Variants in TARBP1 observed in about 807,000 individuals in gnomAD.
The protein encoded by TARBP1 is tRNA (guanosine(18)-2'-O)-methyltransferase TARBP1.
Under a neutral mutation model 178.6 loss-of-function variants are expected in TARBP1, and 144 were observed. The ratio of observed to expected loss-of-function variants is 0.81; its 90% confidence interval spans 0.70 to 0.93. The LOEUF (loss-of-function observed/expected upper bound fraction) is 0.93, where lower values mean the gene tolerates loss of function less well. TARBP1 is among the 40% of genes least tolerant of loss of function. TARBP1 has a pLI of 0.00. For synonymous variants in TARBP1, 787 were observed against 781.0 expected (o/e 1.01, Z -0.13); for missense variants, 2,067 against 2,011.7 (o/e 1.03, Z -0.53).
chr1:234,432,005 C>T (rs1023875226), intron 14 of TARBP1, among the ~76,000 whole-genome samples: 4 of 152,130 alleles, frequency 2.6e-5, no homozygotes, highest in African/African-American at 7.2e-5. Context: ...GGCATGGTGG[C>T]GGGCACCTAC....
chr1:234,415,428 T>C (rs1177167268), intron 22 of TARBP1, among the ~76,000 whole-genome samples: 1 of 152,180 alleles, frequency 6.6e-6, no homozygotes, highest in African/African-American at 2.4e-5. Flanking sequence ...GTTAAGGTAA[T>C]TTGCTTTGAA....
intron 11 of TARBP1, 50 bp downstream of exon 11, chr1:234,448,430 T>G (rs115691704): frequency 0.027 from 39,942 of 1,500,160 alleles, 751 homozygotes; most frequent in South Asian, 0.064. Context: ...ATCATAATTC[T>G]CATCAGGATT....
At position 234,472,698 on chromosome 1, in the gene TARBP1, A is replaced by G. The variant is rs1034982382; in HGVS notation, c.1029+16T>C. On this transcript the variant is annotated intron_variant, in intron 2 of 29. Coordinates refer to ENST00000040877, the MANE Select transcript of TARBP1 (RefSeq NM_005646.4). ...GTTATCTACTGTAGGATTTGCTAAA[A>G]TAGAAAAACACTTACCTGATTTCCT... is the stretch of plus-strand genomic sequence containing the variant. 1.1e-5 allele frequency: 17 copies of G among 1,540,958 alleles called. No individual in the cohort carries two copies. The East Asian group carries it at 3.9e-4, about 35-fold the overall frequency.
rs761068969 is a variant in TARBP1, at chr1:234,478,466, C to G, written c.638G>C (p.Gly213Ala). 1.4e-6 allele frequency: 2 copies of G among 1,382,504 alleles called. No homozygotes were observed. Among genetic ancestry groups the G allele is most frequent in the South Asian group, 2.9e-5 (2 of 68,416 alleles). 85.6% of individuals were successfully genotyped at this position (1,382,504 alleles called of 1,614,324 possible). ...CAGGGACGCCCCAGGCGCGGCCAGC[C>G]CGCCCCACACGGCCCGCAGCGCCGC... is the stretch of plus-strand genomic sequence containing the variant. ...GGAALRAVWG[G>A]LAAPGASLGS... The change falls in exon 1 of 30, where the codon GGG (glycine) becomes GCG (alanine). Residue 213 changes from glycine (G) to alanine (A), a missense_variant. Physicochemically the swap from Gly to Ala is moderately conservative, Grantham distance 60. Transcript: ENST00000040877.
chr1:234,472,094 T>G (rs1659040032), intron 2 of TARBP1, among the ~76,000 whole-genome samples: 1 of 152,116 alleles, frequency 6.6e-6, no homozygotes, highest in African/African-American at 2.4e-5. Context: ...CCCAGCACTT[T>G]GGGAGGCCAA....
intron 12 of TARBP1, among the ~76,000 whole-genome samples, chr1:234,441,335 T>C (rs1431294630): frequency 6.6e-6 from 1 of 152,174 alleles, no homozygotes; most frequent in East Asian, 1.9e-4. Context: ...AAGTTGATGA[T>C]ATAATTTATA....
At position 234,432,759 on chromosome 1, in the gene TARBP1, G is replaced by A. The variant is rs114735716; in HGVS notation, c.2394+651C>T. Among the ~76,000 whole-genome samples the A allele has an allele frequency of 5.5e-3, 837 of 152,154 alleles. 6 individuals are homozygous for A. Among genetic ancestry groups the A allele is most frequent in the African/African-American group, 0.019 (787 of 41,496 alleles). Reference sequence around the variant, plus strand: ...CTAAGTAGCCTAGAGTGGCTGCAACGTCACGGCACTGTGGGAAGGAGGGGG... The same window carrying A: ...CTAAGTAGCCTAGAGTGGCTGCAACATCACGGCACTGTGGGAAGGAGGGGG... On this transcript the variant is annotated intron_variant, in intron 14 of 29. Coordinates refer to ENST00000040877, the MANE Select transcript of TARBP1 (RefSeq NM_005646.4).
chr1:234,472,120 T>C (rs144945016), intron 2 of TARBP1, among the ~76,000 whole-genome samples: 140 of 152,216 alleles, frequency 9.2e-4, no homozygotes, highest in Middle Eastern at 3.4e-3. Flanking sequence ...GTGGATTACT[T>C]GAGGTCAGGA....
chr1:234,454,715 A>T (rs1290600270), intron 9 of TARBP1, among the ~76,000 whole-genome samples: 1 of 152,250 alleles, frequency 6.6e-6, no homozygotes, highest in East Asian at 1.9e-4. Flanking sequence ...CATCCTTCAG[A>T]CTGGTAAAAA....
At chr1:234,397,216 A>G (rs925220206) in intron 26 of TARBP1, among the ~76,000 whole-genome samples, 1 of 376 alleles carries the variant, frequency 2.7e-3, no homozygotes, top group Non-Finnish European at 5.4e-3. Context: ...GAAGAGGAGG[A>G]GGAGGGGGAG....
chr1:234,426,219 C>T (rs1175269427), intron 19 of TARBP1, among the ~76,000 whole-genome samples: 1 of 152,222 alleles, frequency 6.6e-6, no homozygotes, highest in Non-Finnish European at 1.5e-5. Flanking sequence ...GCACATTCTC[C>T]AACTGAGGGG....
At position 234,427,535 on chromosome 1, in the gene TARBP1, TA is replaced by T. The variant is rs752613102; in HGVS notation, c.3251+40del. ...ATAATTCTATACCCAAGTAGGCACT[TA>T]ATACAAGTTATGACCAGTTGAAATA... On this transcript the variant is annotated intron_variant, in intron 18 of 29. Coordinates refer to ENST00000040877, the MANE Select transcript of TARBP1 (RefSeq NM_005646.4). The T allele has an allele frequency of 6.4e-6, 10 of 1,551,482 alleles. No homozygotes were observed. The Admixed American group carries it at 1.6e-4, about 26-fold the overall frequency.
chr1:234,435,377 C>G (rs897580517), intron 13 of TARBP1, among the ~76,000 whole-genome samples: 1 of 152,024 alleles, frequency 6.6e-6, no homozygotes, highest in East Asian at 1.9e-4. Flanking sequence ...ACCAGCTACT[C>G]GAGGCTGAGG....
chr1:234,423,543 T>C (rs931711549), intron 20 of TARBP1, among the ~76,000 whole-genome samples: 4 of 152,236 alleles, frequency 2.6e-5, no homozygotes, highest in Admixed American at 6.5e-5. Context: ...TAGATTCTCA[T>C]CCCACCATGA....
intron 4 of TARBP1, among the ~76,000 whole-genome samples, chr1:234,466,196 A>G (rs1228388762): frequency 6.6e-6 from 1 of 152,216 alleles, no homozygotes; most frequent in Non-Finnish European, 1.5e-5. Context: ...AATATACCAC[A>G]GCATATATTA....
At chr1:234,450,819 T>A (rs544135759) in intron 9 of TARBP1, among the ~76,000 whole-genome samples, 1 of 151,702 alleles carries the variant, frequency 6.6e-6, no homozygotes, top group South Asian at 2.1e-4. Flanking sequence ...TATACACATA[T>A]GTGTGTGTGT....
Position 234,392,492 on chromosome 1 carries a change from T to G in TARBP1, c.4621A>C (p.Ile1541Leu), listed in dbSNP as rs774080721. Reference protein sequence around the residue: ...QQKKTEGYTIIGVEQTAKSLD... With the variant: ...QQKKTEGYTILGVEQTAKSLD... ...CTTTTGGCAGTTTGTTCCACTCCAA[T>G]GATGGTATAACCTTCTGTTTTCTTC... Residue 1541 changes from isoleucine to leucine, a missense_variant, in exon 29 of 30, where the codon ATT (isoleucine) becomes CTT (leucine). Transcript: ENST00000040877. The G allele has an allele frequency of 1.9e-6, 3 of 1,614,048 alleles. No individual in the cohort carries two copies. Among genetic ancestry groups the G allele is most frequent in the Non-Finnish European group, 2.5e-6 (3 of 1,179,986 alleles).
At chr1:234,401,421 T>C (rs1660669157) in intron 24 of TARBP1, among the ~76,000 whole-genome samples, 159 bp from the exon 25 acceptor site, 1 of 152,164 alleles carries the variant, frequency 6.6e-6, no homozygotes, top group African/African-American at 2.4e-5. Flanking sequence ...CCAAGATCAA[T>C]ACATACTTTA....
rs374941857 is a variant in TARBP1 at position 234,452,090 on chromosome 1, ATATT to A, written c.1723-1528_1723-1525del. On this transcript the variant is annotated intron_variant, in intron 9 of 29. Coordinates refer to ENST00000040877, the MANE Select transcript of TARBP1 (RefSeq NM_005646.4). The stretch of plus-strand genomic sequence containing the variant: ...ATTTTTGACAACTAAACTCTAATTC[ATATT>A]TGATTTTTTTCTTTCCCTCTATCAA... Among the ~76,000 whole-genome samples the A allele has an allele frequency of 8.6e-3, 1,303 of 152,280 alleles. 14 individuals are homozygous for A. The highest frequency in any genetic ancestry group is 0.014 in the Admixed American group (210 of 15,290).
Sources: gnomAD v4.1 joint callset for allele counts (sites outside exome capture counted in the v4.1 genomes callset) on GRCh38, gnomAD v4.1.1 for gene constraint, MANE v1.5 for transcripts, NCBI Gene and HGNC (gene_info 2026-07-23, HGNC 2026-07-21) for gene names.